The following EFCAB6 variants were observed in gnomAD, a reference collection of about 807,000 sequenced individuals.
EFCAB6 encodes the protein EF-hand calcium-binding domain-containing protein 6.
In EFCAB6, 156 loss-of-function variants were observed where a neutral mutation model predicts 169.8. The observed-to-expected ratio is 0.92, with a 90% confidence interval of 0.81 to 1.05. The LOEUF is 1.05. EFCAB6 is among the 50% of genes least tolerant of loss of function. The probability of loss-of-function intolerance (pLI) is 0.00; values close to 1 mark genes in which losing one functional copy is unlikely to be tolerated. For synonymous variants in EFCAB6, 698 were observed against 676.4 expected (o/e 1.03, Z -0.50); for missense variants, 1,800 against 1,829.1 (o/e 0.98, Z 0.29).
Position 43,812,233 on chromosome 22 carries a change from G to C in EFCAB6, c.-210C>G, listed in dbSNP as rs1442263361. 1 of 152,290 alleles carries C rather than the reference G, an allele frequency of 6.6e-6. No individual in the cohort carries two copies. The highest frequency in any genetic ancestry group is 2.4e-5 in the African/African-American group (1 of 41,474). The allele number at this position is 152,290 out of a possible 1,614,324, so 9.4% of individuals were successfully genotyped here. A position where few individuals can be genotyped will look rare whatever the true frequency, so the allele number is the denominator to read the frequency against. Reference sequence around the variant, plus strand: ...CCCGCGTGCGCGGACCCCAAGCCGCGGGGTCTCAGAGGGGCTGCCCATTCG... The same window carrying C: ...CCCGCGTGCGCGGACCCCAAGCCGCCGGGTCTCAGAGGGGCTGCCCATTCG... On this transcript the variant is annotated 5_prime_UTR_variant, in exon 1 of 32. Coordinates refer to ENST00000262726, the MANE Select transcript of EFCAB6 (RefSeq NM_022785.4).
intron 27 of EFCAB6, among the ~76,000 whole-genome samples, chr22:43,549,382 T>C (rs2048256696): frequency 6.6e-6 from 1 of 152,088 alleles, no homozygotes; most frequent in Non-Finnish European, 1.5e-5. Context: ...TCAGCAGAGA[T>C]TAAAAAGATA....
At chr22:43,729,119 TA>T (rs1308182158) in intron 8 of EFCAB6, among the ~76,000 whole-genome samples, 1 of 152,190 alleles carries the variant, frequency 6.6e-6, no homozygotes, top group African/African-American at 2.4e-5. Flanking sequence ...CTGTCTCCTT[TA>T]AATACCAGCT....
intron 2 of EFCAB6, among the ~76,000 whole-genome samples, chr22:43,803,489 C>A (rs1023123374): frequency 1.3e-5 from 2 of 151,946 alleles, no homozygotes; most frequent in Admixed American, 1.3e-4. Flanking sequence ...GCTGAAATAC[C>A]GTGATTGGTT....
intron 8 of EFCAB6, among the ~76,000 whole-genome samples, chr22:43,721,730 T>C (rs2059533887): frequency 6.6e-6 from 1 of 152,156 alleles, no homozygotes; most frequent in Non-Finnish European, 1.5e-5. Flanking sequence ...TTTCACTATA[T>C]ATAAAAATTA....
At chr22:43,659,308 C>T (rs972942098) in intron 17 of EFCAB6, among the ~76,000 whole-genome samples, 9 of 152,110 alleles carry the variant, frequency 5.9e-5, no homozygotes, top group African/African-American at 2.2e-4. Flanking sequence ...ATGTTCCTAA[C>T]AGAAGATTTA....
intron 20 of EFCAB6, among the ~76,000 whole-genome samples, chr22:43,616,400 C>T (rs1256426436): frequency 6.6e-6 from 1 of 152,188 alleles, no homozygotes; most frequent in African/African-American, 2.4e-5. Context: ...CAGTGGCTCA[C>T]GCCTGTAATC....
chr22:43,625,785 T>G (rs558744503), intron 20 of EFCAB6, among the ~76,000 whole-genome samples: 2 of 152,230 alleles, frequency 1.3e-5, no homozygotes, highest in Admixed American at 6.5e-5. Context: ...TTCACAGCCA[T>G]CACCTAGCTT....
At chr22:43,643,907 T>C (rs1290657268) in intron 17 of EFCAB6, among the ~76,000 whole-genome samples, 1 of 151,690 alleles carries the variant, frequency 6.6e-6, no homozygotes, top group East Asian at 1.9e-4. Flanking sequence ...CACTGCAAGC[T>C]CTGCCTCCCG....
chr22:43,644,461 A>T (rs993738114), intron 17 of EFCAB6, among the ~76,000 whole-genome samples: 1 of 152,154 alleles, frequency 6.6e-6, no homozygotes, highest in Non-Finnish European at 1.5e-5. Context: ...CACTCCCACA[A>T]ATCCAGACAT....
chr22:43,662,697 A>C (rs774617985), intron 17 of EFCAB6, among the ~76,000 whole-genome samples: 4 of 152,192 alleles, frequency 2.6e-5, no homozygotes, highest in Non-Finnish European at 5.9e-5. Context: ...TGTCCTTCTC[A>C]CTAAACTCTG....
chr22:43,696,188 A>T (rs1476504665), intron 10 of EFCAB6, among the ~76,000 whole-genome samples: 1 of 152,174 alleles, frequency 6.6e-6, no homozygotes, highest in Non-Finnish European at 1.5e-5. Context: ...AATGGCCAAT[A>T]ATCACATAAA....
At chr22:43,589,371 A>C (rs567252513) in intron 24 of EFCAB6, among the ~76,000 whole-genome samples, 1 of 136,006 alleles carries the variant, frequency 7.4e-6, no homozygotes, top group African/African-American at 2.6e-5. Flanking sequence ...CAGGATTGGA[A>C]GTTGTTGACT....
At chr22:43,768,906 A>G (rs1168834268) in intron 4 of EFCAB6, among the ~76,000 whole-genome samples, 1 of 152,224 alleles carries the variant, frequency 6.6e-6, no homozygotes, top group Non-Finnish European at 1.5e-5. Context: ...AATCAAGTTT[A>G]TGAGGAAACT....
At chr22:43,811,476 G>C (rs1226972789) in intron 1 of EFCAB6, among the ~76,000 whole-genome samples, 1 of 152,166 alleles carries the variant, frequency 6.6e-6, no homozygotes, top group African/African-American at 2.4e-5. Context: ...GATTTGGAGA[G>C]AAAGGAAGGG....
intron 31 of EFCAB6, 88 bp downstream of exon 31, chr22:43,530,727 A>T (rs769545422): frequency 1.7e-4 from 272 of 1,576,700 alleles, no homozygotes; most frequent in Non-Finnish European, 2.3e-4. Flanking sequence ...CTTCGGCAGC[A>T]GGTAGAGGGC....
chr22:43,608,705 C>A (rs922510641), intron 21 of EFCAB6, 105 bp from the exon 22 acceptor site: 7 of 975,312 alleles, frequency 7.2e-6, no homozygotes, highest in South Asian at 1.4e-5. Flanking sequence ...GCATCTGTAT[C>A]CCCATCCACC....
chr22:43,704,006 T>C (rs2058859399), intron 10 of EFCAB6, among the ~76,000 whole-genome samples: 1 of 151,798 alleles, frequency 6.6e-6, no homozygotes, highest in Non-Finnish European at 1.5e-5. Context: ...TATCCCCAAG[T>C]TACAGGAAGC....
At chr22:43,781,693 T>C (rs1274757049) in intron 3 of EFCAB6, among the ~76,000 whole-genome samples, 9 of 152,128 alleles carry the variant, frequency 5.9e-5, no homozygotes, top group Non-Finnish European at 1.3e-4. Context: ...GAGTGAACCC[T>C]AATGTAAACT....
rs140812414 is a variant in EFCAB6, at chr22:43,705,042, T to C, written c.1031+6433A>G. 9.2e-5 allele frequency among the ~76,000 whole-genome samples: 14 copies of C among 152,022 alleles called. No homozygotes were observed. In the East Asian group the frequency reaches 2.8e-3, roughly 30 times the overall value. ...GAAAGTAAAGGGATGAAAAAAGATA[T>C]TCCATGCAAATGGAAACCAAATGAG... On this transcript the variant is annotated intron_variant, in intron 10 of 31. Transcript: ENST00000262726.
Sources: gnomAD v4.1 joint callset for allele counts (sites outside exome capture counted in the v4.1 genomes callset) on GRCh38, gnomAD v4.1.1 for gene constraint, MANE v1.5 for transcripts, NCBI Gene and HGNC (gene_info 2026-07-23, HGNC 2026-07-21) for gene names.